PIGU: variants seen among roughly 807,000 people sequenced by gnomAD.
PIGU encodes the protein GPI-anchor transamidase component PIGU.
PIGU carries 24 observed loss-of-function variants against 49.9 expected under a neutral mutation model. The ratio of observed to expected loss-of-function variants is 0.48; its 90% CI spans 0.35 to 0.68. The LOEUF is 0.68. Among genes scored for constraint, PIGU ranks in the 30% least tolerant of loss-of-function variants. The pLI, the probability that PIGU is intolerant of heterozygous loss-of-function variation, is 0.01. For missense variants in PIGU, 490 were observed against 532.6 expected, an observed-to-expected ratio of 0.92 and a Z score of 0.79; for synonymous variants, 220 against 205.7, an observed-to-expected ratio of 1.07 and a Z score of -0.59.
At chr20:34,647,832 C>T (rs1986407388) in intron 2 of PIGU, among the ~76,000 whole-genome samples, 2 of 152,106 alleles carry the variant, frequency 1.3e-5, no homozygotes, top group Admixed American at 1.3e-4. Flanking sequence ...CATATTAACA[C>T]CTATGGTTGC....
At chr20:34,590,141 T>C (rs992208358) in intron 7 of PIGU, among the ~76,000 whole-genome samples, 2 of 148,360 alleles carry the variant, frequency 1.3e-5, no homozygotes, top group Non-Finnish European at 3.0e-5. Flanking sequence ...TTTATTGTTG[T>C]AAGAAAAAGG....
intron 1 of PIGU, among the ~76,000 whole-genome samples, chr20:34,664,761 G>A (rs760570366): frequency 1.3e-5 from 2 of 152,146 alleles, no homozygotes; most frequent in Admixed American, 6.6e-5. Flanking sequence ...AGGCCAAGGA[G>A]GGTATATCGC....
At chr20:34,676,339 T>G (rs1987496605) in intron 1 of PIGU, among the ~76,000 whole-genome samples, 1 of 152,308 alleles carries the variant, frequency 6.6e-6, no homozygotes, top group African/African-American at 2.4e-5. Context: ...ATTATAACGA[T>G]TTGTCTCCCT....
Position 34,656,428 on chromosome 20 carries a change from G to A in PIGU, c.195+752C>T, listed in dbSNP as rs960096611. Among the ~76,000 whole-genome samples, 2 of 70,834 alleles carry A rather than the reference G, an allele frequency of 2.8e-5. 1 individual carries two copies. Among genetic ancestry groups the A allele is most frequent in the Non-Finnish European group, 6.0e-5 (2 of 33,156 alleles). The allele number at this position is 70,834 out of a possible 152,430, so 46.5% of individuals were successfully genotyped here. ...CTCCCGAGTAGCTGGGACTACAGGC[G>A]CCCACTACCGCGCCCAGCTAATCTT... On this transcript the variant is annotated intron_variant, in intron 2 of 11. Transcript: ENST00000217446.
At chr20:34,562,435 C>T in intron 11 of PIGU, 2 of 1,288,360 alleles carry the variant, frequency 1.6e-6, no homozygotes, top group Non-Finnish European at 2.0e-6. Flanking sequence ...TTCTCACTGA[C>T]CTGAAGGTAA....
At chr20:34,603,410 C>G (rs965933562) in intron 7 of PIGU, among the ~76,000 whole-genome samples, 1 of 152,162 alleles carries the variant, frequency 6.6e-6, no homozygotes, top group Non-Finnish European at 1.5e-5. Flanking sequence ...ACAGGAAAGG[C>G]AGGACAAATA....
intron 2 of PIGU, among the ~76,000 whole-genome samples, chr20:34,648,892 G>C (rs56238684): frequency 0.041 from 6,198 of 150,082 alleles, 206 homozygotes; most frequent in Non-Finnish European, 0.073. Context: ...ATTTAGAGAT[G>C]GAGTCTCACT....
At chr20:34,586,502 G>T (rs1051152515) in intron 8 of PIGU, among the ~76,000 whole-genome samples, 2 of 152,166 alleles carry the variant, frequency 1.3e-5, no homozygotes, top group African/African-American at 2.4e-5. Flanking sequence ...GTTATGCTCA[G>T]CCAGGATTTA....
rs759556277 is a variant in PIGU at position 34,575,215 on chromosome 20, G to T, written c.1083C>A (p.Ile361=). 4 of 1,614,054 alleles carry T rather than the reference G, an allele frequency of 2.5e-6. No individual in the cohort carries two copies. The African/African-American group carries it at 5.3e-5, about 22-fold the overall frequency. The change falls in exon 11 of 12, where the codon ATC becomes ATA. Residue 361 remains isoleucine (I), a synonymous_variant. Transcript: ENST00000217446. ...FLRNIFVLTC[I]IIVCSLLFPV... ...GGAAGAGCAGGGAACAGACGATGAT[G>T]ATGCAGGTGAGGACAAAGATGTTTC... is the stretch of plus-strand genomic sequence containing the variant.
intron 1 of PIGU, among the ~76,000 whole-genome samples, chr20:34,661,768 T>A (rs1986934560): frequency 6.6e-6 from 1 of 152,202 alleles, no homozygotes; most frequent in South Asian, 2.1e-4. Context: ...CAGTTCTGTT[T>A]TAGGATCTTT....
chr20:34,645,291 G>A lies in PIGU; in HGVS notation c.239C>T (p.Ala80Val), dbSNP rs764723170. ...IYLFHFLIDYAELVFMITDAL... is the reference protein window; with the variant it reads ...IYLFHFLIDYVELVFMITDAL... ...GTTACTTACCATAAACACCAATTCA[G>A]CATAGTCAATTAGGAAATGAAAGAG... Residue 80 changes from alanine to valine, a missense_variant, in exon 3 of 12, where the codon GCT (alanine) becomes GTT (valine). Coordinates refer to ENST00000217446, the MANE Select transcript of PIGU (RefSeq NM_080476.5). 3 of 1,575,488 alleles carry A rather than the reference G, an allele frequency of 1.9e-6. No individual in the cohort carries two copies. Among genetic ancestry groups the A allele is most frequent in the South Asian group, 1.2e-5 (1 of 84,198 alleles).
intron 6 of PIGU, among the ~76,000 whole-genome samples, chr20:34,624,310 T>A (rs181464796): frequency 6.6e-6 from 1 of 152,342 alleles, no homozygotes; most frequent in East Asian, 1.9e-4. Flanking sequence ...TTCATCCCCA[T>A]GCTGCAGATA....
intron 5 of PIGU, 111 bp from the exon 6 acceptor site, chr20:34,634,826 C>A: frequency 6.9e-7 from 1 of 1,456,938 alleles, no homozygotes; most frequent in Non-Finnish European, 9.1e-7. Context: ...AGGAAGGCAG[C>A]TTCTCAGAAA....
chr20:34,656,859 T>C (rs1986721043), intron 2 of PIGU, among the ~76,000 whole-genome samples: 1 of 152,106 alleles, frequency 6.6e-6, no homozygotes. Context: ...TGGGAAATCA[T>C]ATTCCAAACA....
intron 7 of PIGU, among the ~76,000 whole-genome samples, chr20:34,594,756 A>G (rs1467604357): frequency 6.6e-6 from 1 of 152,110 alleles, no homozygotes; most frequent in Non-Finnish European, 1.5e-5. Flanking sequence ...CTTGGGTGAC[A>G]AGAGCCAAAC....
At chr20:34,676,896 TCA>T in intron 1 of PIGU, 58 bp downstream of exon 1, 1 of 1,548,192 alleles carries the variant, frequency 6.5e-7, no homozygotes, top group South Asian at 1.2e-5. Flanking sequence ...CGCCTCCCAT[TCA>T]CAGAGGCCGC....
chr20:34,646,703 C>T (rs1986357653), intron 2 of PIGU, among the ~76,000 whole-genome samples: 1 of 152,216 alleles, frequency 6.6e-6, no homozygotes, highest in South Asian at 2.1e-4. Flanking sequence ...GCCACTGTGC[C>T]CAGCCATTTT....
intron 1 of PIGU, among the ~76,000 whole-genome samples, chr20:34,666,687 CTTTTTTTTTTTTT>C (rs918644106): frequency 6.6e-5 from 6 of 90,614 alleles, no homozygotes; most frequent in African/African-American, 1.7e-4. Context: ...CTGACTAATT[CTTTTTTTTTTTTT>C]TTTTTTTTTT....
intron 7 of PIGU, among the ~76,000 whole-genome samples, chr20:34,612,974 A>G (rs1030482646): frequency 6.6e-6 from 1 of 152,148 alleles, no homozygotes; most frequent in African/African-American, 2.4e-5. Context: ...GCTACTTCAT[A>G]TATTTATAAA....
Sources: allele counts gnomAD v4.1 joint callset (sites outside exome capture counted in the v4.1 genomes callset), GRCh38; gene constraint gnomAD v4.1.1; transcripts MANE v1.5; gene names NCBI Gene and HGNC (gene_info 2026-07-23, HGNC 2026-07-21).